LTO1: variants seen among roughly 807,000 people sequenced by gnomAD.
LTO1 encodes the protein LTO1 maturation factor of ABCE1.
LTO1 carries 18 observed loss-of-function variants against 19.8 expected under a neutral mutation model. The observed-to-expected ratio is 0.91, with a 90% CI of 0.63 to 1.35. The LOEUF (loss-of-function observed/expected upper bound fraction) is 1.35. Among genes scored for constraint, LTO1 ranks in the 40% most tolerant of loss-of-function variants. The pLI is 0.00. For synonymous variants in LTO1, 59 were observed against 59.6 expected (o/e 0.99, Z 0.05); for missense variants, 175 against 167.9 (o/e 1.04, Z -0.23).
Position 69,666,415 on chromosome 11 carries a change from G to C in LTO1, c.*1104C>G, listed in dbSNP as rs114218798. The C allele has an allele frequency of 1.3e-5, 2 of 152,438 alleles. No individual in the cohort carries two copies. Among genetic ancestry groups the C allele is most frequent in the African/African-American group, 4.8e-5 (2 of 41,444 alleles). 9.4% of individuals were successfully genotyped at this position (152,438 alleles called of 1,614,324 possible). ...GTGTGGGGACTTCGGTGACCCTGGG[G>C]GGGTACACAGGAGGGTGTGTGAACA... On this transcript the variant is annotated 3_prime_UTR_variant, in exon 5 of 5. Transcript: ENST00000279147.
Position 69,667,489 on chromosome 11 carries a change from C to T in LTO1, c.*30G>A, listed in dbSNP as rs1856049609. 17 of 1,444,476 alleles carry T rather than the reference C, an allele frequency of 1.2e-5. No individual in the cohort carries two copies. Among genetic ancestry groups the T allele is most frequent in the Non-Finnish European group, 1.5e-5 (15 of 1,025,614 alleles). The allele number at this position is 1,444,476 out of a possible 1,614,324, so 89.5% of individuals were successfully genotyped here. A position where few individuals can be genotyped will look rare whatever the true frequency, so the allele number is the denominator to read the frequency against. The stretch of plus-strand genomic sequence containing the variant: ...ACACGTCACACACACATCTGTTCCT[C>T]GACGTTCGGTCTCTGTTCATCCATC... On this transcript the variant is annotated 3_prime_UTR_variant, in exon 5 of 5. Transcript: ENST00000279147.
chr11:69,674,892 G>A lies in LTO1; in HGVS notation c.50+298C>T, dbSNP rs1374950419. ...GATGGCAAAGGTCTGTCCTCCCAGA[G>A]GACGAGGCGGCCTCGGAGGAGGGGA... On this transcript the variant is annotated intron_variant, in intron 1 of 4. Transcript: ENST00000279147. 4.5e-6 allele frequency: 3 copies of A among 659,812 alleles called. No homozygotes were observed. The African/African-American group carries it at 5.3e-5, about 12-fold the overall frequency. 40.9% of individuals were successfully genotyped at this position (659,812 alleles called of 1,614,324 possible).
In LTO1 at chr11:69,675,133, G is replaced by A. The variant is rs760125487; in HGVS notation, c.50+57C>T. The A allele has an allele frequency of 8.3e-5, 127 of 1,530,304 alleles. 1 individual carries two copies. Among genetic ancestry groups the A allele is most frequent in the Non-Finnish European group, 8.9e-5 (99 of 1,115,082 alleles). The allele number at this position is 1,530,304 out of a possible 1,614,324, so 94.8% of individuals were successfully genotyped here. On this transcript the variant is annotated intron_variant, in intron 1 of 4. Coordinates refer to ENST00000279147, the MANE Select transcript of LTO1 (RefSeq NM_153451.3). Reference sequence around the variant, plus strand: ...GCCGCCCTGGGCCGCAGCCGGCGGCGAAGCCGCTGGGAGACGACCAGACAG... The same window carrying A: ...GCCGCCCTGGGCCGCAGCCGGCGGCAAAGCCGCTGGGAGACGACCAGACAG...
At chr11:69,668,583 A>G (rs945876721) in intron 3 of LTO1, among the ~76,000 whole-genome samples, 7 of 152,250 alleles carry the variant, frequency 4.6e-5, no homozygotes, top group Admixed American at 3.9e-4. Flanking sequence ...CATCTCCCCA[A>G]CACCTCTCTA....
Position 69,667,894 on chromosome 11 carries a change from C to A in LTO1, c.345+1G>T, listed in dbSNP as rs1437892139. ...CAGGAGGAAACACACAGTGCACGCA[C>A]CTGTTTAAATTTTCCTCTGATCTTG... On this transcript the variant is annotated splice_donor_variant, in intron 4 of 4. Coordinates refer to ENST00000279147, the MANE Select transcript of LTO1 (RefSeq NM_153451.3). LOFTEE classifies it high-confidence loss of function. The A allele has an allele frequency of 1.5e-6, 2 of 1,332,338 alleles. No homozygotes were observed. Among genetic ancestry groups the A allele is most frequent in the Non-Finnish European group, 2.2e-6 (2 of 922,458 alleles). 82.5% of individuals were successfully genotyped at this position (1,332,338 alleles called of 1,614,324 possible).
At chr11:69,673,404 G>C (rs138692476) in intron 1 of LTO1, 83 bp from the exon 2 acceptor site, 8 of 927,812 alleles carry the variant, frequency 8.6e-6, no homozygotes. Flanking sequence ...TGTATTACCC[G>C]GACCCAGTAA....
rs1260187788 is a variant in LTO1, at chr11:69,666,944, C to T, written c.*575G>A. On this transcript the variant is annotated 3_prime_UTR_variant, in exon 5 of 5. Transcript: ENST00000279147. The stretch of plus-strand genomic sequence containing the variant: ...GAAGTCCTAGCTCTGCTGCTGGGTG[C>T]CCTTAGACCAGGCAATCCCTTCGCG... The T allele has an allele frequency of 1.3e-5, 2 of 152,550 alleles. No individual in the cohort carries two copies. The highest frequency in any genetic ancestry group is 4.8e-5 in the African/African-American group (2 of 41,432). The allele number at this position is 152,550 out of a possible 1,614,324, so 9.4% of individuals were successfully genotyped here.
In LTO1 at chr11:69,667,890, C is replaced by A. The variant is rs763589522; in HGVS notation, c.345+5G>T. 1.6e-6 allele frequency: 2 copies of A among 1,283,158 alleles called. No individual in the cohort carries two copies. The highest frequency in any genetic ancestry group is 2.3e-6 in the Non-Finnish European group (2 of 877,534). The allele number at this position is 1,283,158 out of a possible 1,614,324, so 79.5% of individuals were successfully genotyped here. ...CTAGCAGGAGGAAACACACAGTGCA[C>A]GCACCTGTTTAAATTTTCCTCTGAT... On this transcript the variant is annotated splice_donor_5th_base_variant and intron_variant, in intron 4 of 4. Transcript: ENST00000279147.
chr11:69,674,133 G>A (rs950058040), intron 1 of LTO1, among the ~76,000 whole-genome samples: 2 of 152,166 alleles, frequency 1.3e-5, no homozygotes, highest in African/African-American at 4.8e-5. Context: ...GATTACAGGC[G>A]TCAGCCACCG....
Position 69,675,275 on chromosome 11 carries a change from TGCAGCCCCGCGGTGCCGTA to T in LTO1, c.-55_-37del. On this transcript the variant is annotated 5_prime_UTR_variant, in exon 1 of 5. Transcript: ENST00000279147. ...AGCCCGCCCTTGGCCCCCGGGTTTC[TGCAGCCCCGCGGTGCCGTA>T]GCAGACCCGGCAGCTTCAGGCACAA... The T allele has an allele frequency of 1.4e-6, 2 of 1,468,380 alleles. No individual in the cohort carries two copies. Among genetic ancestry groups the T allele is most frequent in the African/African-American group, 2.9e-5 (2 of 69,132 alleles). 91.0% of individuals were successfully genotyped at this position (1,468,380 alleles called of 1,614,324 possible).
At chr11:69,667,759 T>C (rs1402886869) in intron 4 of LTO1, 136 bp downstream of exon 4, 20 of 712,936 alleles carry the variant, frequency 2.8e-5, no homozygotes, top group Non-Finnish European at 4.9e-5. Flanking sequence ...GACTCAAGGA[T>C]GAGGCGCCTC....
chr11:69,671,198 C>T lies in LTO1; in HGVS notation c.227+551G>A, dbSNP rs544486344. ...ATAGGAGTGAGCCACTGCGCCCGGC[C>T]GAGAAGAGTTTTTAAAGGCTAAAAA... On this transcript the variant is annotated intron_variant, in intron 3 of 4. Coordinates refer to ENST00000279147, the MANE Select transcript of LTO1 (RefSeq NM_153451.3). Among the ~76,000 whole-genome samples, 13 of 152,146 alleles carry T rather than the reference C, an allele frequency of 8.5e-5. No individual in the cohort carries two copies. The East Asian group carries it at 1.4e-3, about 16-fold the overall frequency.
chr11:69,673,100 TC>T, intron 2 of LTO1, 115 bp downstream of exon 2: 1 of 759,246 alleles, frequency 1.3e-6, no homozygotes, highest in East Asian at 2.6e-5. Flanking sequence ...ACCGCGCCCA[TC>T]CGGCACTGTG....
At chr11:69,671,577 C>G (rs1856109865) in intron 3 of LTO1, 172 bp downstream of exon 3, 4 of 583,612 alleles carry the variant, frequency 6.9e-6, no homozygotes, top group Middle Eastern at 3.2e-4. Flanking sequence ...CTGGCACTTT[C>G]TATTTAGTAT....
chr11:69,674,430 G>A lies in LTO1; in HGVS notation c.50+760C>T, dbSNP rs1157908302. On this transcript the variant is annotated intron_variant, in intron 1 of 4. Transcript: ENST00000279147. ...AACCTGCAGTCACCAAACATGCAAGGAGTGGGCTGCAGCGCCCCATGAAGC... is the reference window on the plus strand; with the variant it reads ...AACCTGCAGTCACCAAACATGCAAGAAGTGGGCTGCAGCGCCCCATGAAGC... 8 of 263,430 alleles carry A rather than the reference G, an allele frequency of 3.0e-5. No individual in the cohort carries two copies. The Admixed American group carries it at 3.4e-4, about 11-fold the overall frequency. The allele number at this position is 263,430 out of a possible 1,614,324, so 16.3% of individuals were successfully genotyped here. A position where few individuals can be genotyped will look rare whatever the true frequency, so the allele number is the denominator to read the frequency against.
Position 69,670,204 on chromosome 11 carries a change from G to C in LTO1, c.227+1545C>G, listed in dbSNP as rs532725421. Among the ~76,000 whole-genome samples the C allele has an allele frequency of 3.3e-5, 5 of 152,298 alleles. No homozygotes were observed. The East Asian group carries it at 9.7e-4, about 29-fold the overall frequency. On this transcript the variant is annotated intron_variant, in intron 3 of 4. Transcript: ENST00000279147. ...GGTTCTTCTCTGTTAGCTAGACTGA[G>C]TGTGCTGCTTTCAGACGTCAGCAAA...
rs1178999724 is a variant in LTO1, at chr11:69,665,819, G to A, written c.*1700C>T. On this transcript the variant is annotated 3_prime_UTR_variant, in exon 5 of 5. Coordinates refer to ENST00000279147, the MANE Select transcript of LTO1 (RefSeq NM_153451.3). The stretch of plus-strand genomic sequence containing the variant: ...CGAGCGGTGCACAGCCACACACGCA[G>A]GTTTAGAGTTCGGGAGGAGGAGACC... 1 of 152,168 alleles carries A rather than the reference G, an allele frequency of 6.6e-6. No homozygotes were observed. The highest frequency in any genetic ancestry group is 1.9e-4 in the East Asian group (1 of 5,180). 9.4% of individuals were successfully genotyped at this position (152,168 alleles called of 1,614,324 possible).
At chr11:69,667,618 T>C (rs1436780346) in intron 4 of LTO1, 31 bp from the exon 5 acceptor site, 6 of 1,476,640 alleles carry the variant, frequency 4.1e-6, no homozygotes, top group Non-Finnish European at 5.7e-6. Flanking sequence ...GTATTTTTAA[T>C]CTTGTGCATT....
At chr11:69,667,659 T>C (rs1402284979) in intron 4 of LTO1, 72 bp from the exon 5 acceptor site, 1 of 1,091,334 alleles carries the variant, frequency 9.2e-7, no homozygotes, top group African/African-American at 1.5e-5. Context: ...TAACTCTATC[T>C]CTAGCTATAG....
Sources: allele counts gnomAD v4.1 joint callset (sites outside exome capture counted in the v4.1 genomes callset), GRCh38; gene constraint gnomAD v4.1.1; transcripts MANE v1.5; gene names NCBI Gene and HGNC (gene_info 2026-07-23, HGNC 2026-07-21).